OTOGL: variants seen among roughly 807,000 people sequenced by gnomAD.
OTOGL encodes the protein otogelin like.
OTOGL carries 285 observed loss-of-function variants against 318.5 expected under a neutral mutation model. That is an observed-to-expected ratio of 0.89 (90% CI 0.81 to 0.99). OTOGL has a LOEUF of 0.99. Among genes scored for constraint, OTOGL ranks in the 50% least tolerant of loss-of-function variants. The probability of loss-of-function intolerance (pLI) is 0.00; values close to 1 mark genes in which losing one functional copy is unlikely to be tolerated. For synonymous variants in OTOGL, 987 were observed against 936.5 expected, an observed-to-expected ratio of 1.05 and a Z score of -0.99; for missense variants, 2,899 against 2,845.6, an observed-to-expected ratio of 1.02 and a Z score of -0.43.
At chr12:80,368,735 A>C (rs958553014) in intron 55 of OTOGL, among the ~76,000 whole-genome samples, 5 of 152,050 alleles carry the variant, frequency 3.3e-5, no homozygotes, top group Non-Finnish European at 7.4e-5. Flanking sequence ...TAAAATTAGA[A>C]TCTAGAGACA....
Position 80,279,028 on chromosome 12 carries a change from C to T in OTOGL, c.2790C>T (p.Cys930=), listed in dbSNP as rs767258134. ...GEVIATPCYT[C]VCRRGMFNCT... is the part of the protein sequence containing the mutation. ...GGTAACTTTTGTTATTTTTTAATAG[C>T]GTTTGTCGACGAGGAATGTTCAATT... Residue 930 remains cysteine, a splice_region_variant and synonymous_variant, in exon 26 of 59, where the codon TGC becomes TGT. Coordinates refer to ENST00000547103, the MANE Select transcript of OTOGL (RefSeq NM_001378609.3). 34 of 1,532,678 alleles carry T rather than the reference C, an allele frequency of 2.2e-5. No individual in the cohort carries two copies. The East Asian group carries it at 3.7e-4, about 17-fold the overall frequency. 94.9% of individuals were successfully genotyped at this position (1,532,678 alleles called of 1,614,324 possible).
At chr12:80,300,466 C>G (rs1885685763) in intron 27 of OTOGL, among the ~76,000 whole-genome samples, 1 of 152,028 alleles carries the variant, frequency 6.6e-6, no homozygotes, top group Non-Finnish European at 1.5e-5. Flanking sequence ...AGATGTGAGC[C>G]AAGGCTTCAA....
chr12:80,373,746 A>T (rs1308785791), intron 57 of OTOGL, among the ~76,000 whole-genome samples: 4 of 151,764 alleles, frequency 2.6e-5, no homozygotes, highest in Non-Finnish European at 5.9e-5. Context: ...CATTAGCTTG[A>T]TTTTCCACTT....
At chr12:80,176,382 G>A (rs1920402) in intron 1 of OTOGL, among the ~76,000 whole-genome samples, 25,335 of 151,804 alleles carry the variant, frequency 0.17, 4,011 homozygotes, top group African/African-American at 0.42. Flanking sequence ...GTGTCTCTTC[G>A]TAATCTCTCT....
intron 33 of OTOGL, 27 bp from the exon 34 acceptor site, chr12:80,320,395 G>T (rs1232259757): frequency 1.9e-6 from 3 of 1,572,672 alleles, no homozygotes. Flanking sequence ...CTTCTCCTGA[G>T]AATCCACACT....
At chr12:80,168,567 T>C (rs1236651341) in intron 1 of OTOGL, among the ~76,000 whole-genome samples, 1 of 152,142 alleles carries the variant, frequency 6.6e-6, no homozygotes, top group Admixed American at 6.5e-5. Flanking sequence ...AGTATGAAAT[T>C]AAAAAGAATG....
intron 1 of OTOGL, chr12:80,208,096 A>G (rs2137301315): frequency 2.2e-6 from 1 of 456,202 alleles, no homozygotes. Context: ...GGACAGTCAC[A>G]TAACTACTTT....
At chr12:80,126,423 C>G (rs1190661802) in intron 1 of OTOGL, among the ~76,000 whole-genome samples, 1 of 152,130 alleles carries the variant, frequency 6.6e-6, no homozygotes, top group Non-Finnish European at 1.5e-5. Flanking sequence ...TATAATCTCT[C>G]TTCTTTTACA....
At chr12:80,187,277 T>A (rs1282905519) in intron 1 of OTOGL, among the ~76,000 whole-genome samples, 2 of 151,900 alleles carry the variant, frequency 1.3e-5, no homozygotes, top group African/African-American at 2.4e-5. Context: ...TTTTTTTTTT[T>A]ATACCGATAC....
At chr12:80,347,079 T>A (rs1889243064) in intron 44 of OTOGL, among the ~76,000 whole-genome samples, 1 of 152,172 alleles carries the variant, frequency 6.6e-6, no homozygotes, top group Admixed American at 6.5e-5. Flanking sequence ...CAAAGCTTTA[T>A]AATTTGAATT....
At chr12:80,237,054 A>T (rs1879930930) in intron 9 of OTOGL, among the ~76,000 whole-genome samples, 1 of 151,632 alleles carries the variant, frequency 6.6e-6, no homozygotes, top group Admixed American at 6.6e-5. Flanking sequence ...GCCTCCTGTG[A>T]TCCACCCACC....
chr12:80,220,082 T>C (rs1878156878), intron 6 of OTOGL, among the ~76,000 whole-genome samples, 170 bp downstream of exon 6: 1 of 152,148 alleles, frequency 6.6e-6, no homozygotes, highest in South Asian at 2.1e-4. Flanking sequence ...CAAAAGTAGA[T>C]AGGGCCACTT....
chr12:80,377,654 T>C (rs887601017), intron 58 of OTOGL, among the ~76,000 whole-genome samples, 194 bp from the exon 59 acceptor site: 1 of 152,130 alleles, frequency 6.6e-6, no homozygotes, highest in African/African-American at 2.4e-5. Flanking sequence ...ATGTTGAGCA[T>C]TGCCATGAAA....
Position 80,217,722 on chromosome 12 carries a change from T to C in OTOGL, c.235+58T>C, listed in dbSNP as rs1363065146. 4.0e-6 allele frequency: 5 copies of C among 1,258,676 alleles called. No homozygotes were observed. The East Asian group carries it at 1.0e-4, about 25-fold the overall frequency. 78.0% of individuals were successfully genotyped at this position (1,258,676 alleles called of 1,614,324 possible). ...TTTCTCAGAAAATCCCTTTGGGGGA[T>C]ATATTGAATCAAGTATTTATTGTTT... On this transcript the variant is annotated intron_variant, in intron 5 of 58. Transcript: ENST00000547103.
intron 22 of OTOGL, among the ~76,000 whole-genome samples, chr12:80,268,697 G>A (rs1048746707): frequency 2.0e-5 from 3 of 151,886 alleles, no homozygotes; most frequent in African/African-American, 4.8e-5. Flanking sequence ...CAGCAACTTT[G>A]GATTTTACTT....
At chr12:80,101,531 A>T (rs1304813858) in intron 1 of OTOGL, among the ~76,000 whole-genome samples, 1 of 152,192 alleles carries the variant, frequency 6.6e-6, no homozygotes, top group East Asian at 1.9e-4. Flanking sequence ...CAATTAATGT[A>T]AAATAAGACA....
At chr12:80,191,995 C>A (rs996376540) in intron 1 of OTOGL, among the ~76,000 whole-genome samples, 2 of 152,150 alleles carry the variant, frequency 1.3e-5, no homozygotes, top group Non-Finnish European at 2.9e-5. Context: ...CATTAGCTAT[C>A]CCTTAGAAGA....
rs779977584 is a variant in OTOGL, at chr12:80,353,335, C to T, written c.5418C>T (p.Cys1806=). The T allele has an allele frequency of 1.9e-6, 3 of 1,551,364 alleles. No homozygotes were observed. The change falls in exon 46 of 59, where the codon TGC becomes TGT. Residue 1806 remains cysteine, a synonymous_variant. Coordinates refer to ENST00000547103, the MANE Select transcript of OTOGL (RefSeq NM_001378609.3). ...WRTPDYCSLS[C]PEGKEYQPCV... is the part of the protein sequence containing the mutation. ...TCCTATTCTTCAAAGCCCTGAGTTGCCCAGAGGGGAAGGAATATCAACCCT... is the reference window on the plus strand; with the variant it reads ...TCCTATTCTTCAAAGCCCTGAGTTGTCCAGAGGGGAAGGAATATCAACCCT...
At position 80,166,678 on chromosome 12, in the gene OTOGL, G is replaced by C. The variant is rs76056204; in HGVS notation, c.-19-42735G>C. On this transcript the variant is annotated intron_variant, in intron 1 of 58. Transcript: ENST00000547103. ...TTGTAGATAAGGAATTGGAATTTCT[G>C]TTTCTGATTCCAAATTCCATATATC... Among the ~76,000 whole-genome samples the C allele has an allele frequency of 5.3e-3, 802 of 152,218 alleles. 11 individuals are homozygous for C. The highest frequency in any genetic ancestry group is 0.018 in the African/African-American group (758 of 41,534).
Sources: gnomAD v4.1 joint callset for allele counts (sites outside exome capture counted in the v4.1 genomes callset) on GRCh38, gnomAD v4.1.1 for gene constraint, MANE v1.5 for transcripts, NCBI Gene and HGNC (gene_info 2026-07-23, HGNC 2026-07-21) for gene names.